MED17: variants seen among roughly 807,000 people sequenced by gnomAD.
MED17 encodes the protein mediator complex subunit 17.
Under a neutral mutation model 80.8 loss-of-function variants are expected in MED17, and 49 were observed. The observed-to-expected ratio is 0.61, with a 90% CI of 0.48 to 0.77. The LOEUF is 0.77. Among genes scored for constraint, MED17 ranks in the 30% least tolerant of loss-of-function variants. The pLI is 0.00. For missense variants in MED17, 718 were observed against 787.0 expected (o/e 0.91, Z 1.05); for synonymous variants, 281 against 280.4 (o/e 1.00, Z -0.02).
At chr11:93,787,923 T>G (rs1943786578) in intron 1 of MED17, 78 bp from the exon 2 acceptor site, 1 of 1,224,990 alleles carries the variant, frequency 8.2e-7, no homozygotes, top group Non-Finnish European at 1.2e-6. Flanking sequence ...TTTAGTACTT[T>G]TTAAACCTAA....
intron 5 of MED17, chr11:93,794,318 C>T (rs1443525207): frequency 1.8e-5 from 6 of 327,062 alleles, no homozygotes; most frequent in Admixed American, 9.3e-5. Context: ...GATTCTCCTG[C>T]CTCAGCCTCC....
rs746638316 is a variant in MED17 at position 93,797,591 on chromosome 11, T to G, written c.1200T>G (p.Phe400Leu). 2.7e-5 allele frequency: 44 copies of G among 1,614,062 alleles called. No homozygotes were observed. Among genetic ancestry groups the G allele is most frequent in the Non-Finnish European group, 3.6e-5 (43 of 1,180,010 alleles). ...TGCCTCATCCAGCAAGTGCACCTTT[T>G]GGCCACAAGAGAATGAGACTTTCGG... ...IMMPHPASAP[F>L]GHKRMRLSGP... is the part of the protein sequence containing the mutation. The change falls in exon 8 of 12, where the codon TTT (phenylalanine) becomes TTG (leucine). Residue 400 changes from phenylalanine to leucine, a missense_variant. By Grantham distance (22) the Phe-to-Leu change is conservative (BLOSUM62 0). Coordinates refer to ENST00000251871, the MANE Select transcript of MED17 (RefSeq NM_004268.5).
chr11:93,799,041 A>G (rs1591387217), intron 8 of MED17, among the ~76,000 whole-genome samples: 2 of 152,160 alleles, frequency 1.3e-5, no homozygotes, highest in East Asian at 3.9e-4. Context: ...CTTAGTGAAG[A>G]AAAAAAGACC....
intron 7 of MED17, chr11:93,797,298 C>T (rs1943914470): frequency 9.9e-6 from 5 of 506,740 alleles, no homozygotes; most frequent in Non-Finnish European, 1.8e-5. Context: ...GATGTCGGCG[C>T]ATTACCCATC....
Position 93,801,911 on chromosome 11 carries a change from G to T in MED17, c.1405G>T (p.Asp469Tyr), listed in dbSNP as rs201376861. The change falls in exon 9 of 12, where the codon GAT (aspartate) becomes TAT (tyrosine). Residue 469 changes from aspartate (D) to tyrosine (Y), a missense_variant. Transcript: ENST00000251871. ...ACAGGCTCATTGGTCAAATATCAAT[G>T]ATGTTTATGAATCTAGTGTGAAAGT... ...QIQAHWSNIN[D>Y]VYESSVKVLI... 190 of 1,613,094 alleles carry T rather than the reference G, an allele frequency of 1.2e-4. No individual in the cohort carries two copies. The highest frequency in any genetic ancestry group is 9.3e-5 in the Non-Finnish European group (110 of 1,179,658).
At chr11:93,791,173 T>C (rs890283206) in intron 3 of MED17, among the ~76,000 whole-genome samples, 3 of 152,260 alleles carry the variant, frequency 2.0e-5, no homozygotes, top group African/African-American at 7.2e-5. Flanking sequence ...TAATGTATTA[T>C]TTCTCAGCTA....
intron 9 of MED17, 36 bp from the exon 10 acceptor site, chr11:93,807,482 G>T: frequency 1.9e-6 from 2 of 1,055,612 alleles, no homozygotes; most frequent in South Asian, 2.5e-5. Flanking sequence ...AGATAATTTT[G>T]AACATCTCTG....
At chr11:93,807,718 T>C (rs558711014) in intron 10 of MED17, 83 bp downstream of exon 10, 6 of 893,806 alleles carry the variant, frequency 6.7e-6, no homozygotes, top group African/African-American at 3.3e-5. Context: ...AGTTAAAATG[T>C]AATAAATTGT....
chr11:93,807,589 C>A lies in MED17; in HGVS notation c.1538C>A (p.Thr513Lys). The A allele has an allele frequency of 6.2e-7, 1 of 1,613,322 alleles. No individual in the cohort carries two copies. Among genetic ancestry groups the A allele is most frequent in the East Asian group, 2.2e-5 (1 of 44,818 alleles). ...GTACATAGAGATGGAAGAGTAATTACACTGTCTTATCAGGAGCAGGAGCTA... is the reference window on the plus strand; with the variant it reads ...GTACATAGAGATGGAAGAGTAATTAAACTGTCTTATCAGGAGCAGGAGCTA... ...RVVHRDGRVI[T>K]LSYQEQELQD... is the part of the protein sequence containing the mutation. The change falls in exon 10 of 12, where the codon ACA (threonine) becomes AAA (lysine). Residue 513 changes from threonine to lysine, a missense_variant. Thr to Lys is a moderately conservative substitution (Grantham distance 78). Transcript: ENST00000251871.
At chr11:93,803,983 G>GTATA (rs1465614447) in intron 9 of MED17, among the ~76,000 whole-genome samples, 2 of 13,588 alleles carry the variant, frequency 1.5e-4, no homozygotes, top group African/African-American at 4.6e-4. Context: ...GTGTGTGTGT[G>GTATA]TGTATATATG....
chr11:93,805,412 G>A (rs1247153616), intron 9 of MED17, among the ~76,000 whole-genome samples: 1 of 152,114 alleles, frequency 6.6e-6, no homozygotes, highest in Admixed American at 6.5e-5. Flanking sequence ...ATGAAACCCT[G>A]TCCCTACTAA....
rs372344089 is a variant in MED17 at position 93,795,048 on chromosome 11, C to G, written c.1000C>G (p.Gln334Glu). The part of the protein sequence containing the change: ...HIVVKNQIIS[Q>E]PFPSLQLSIS... ...TGTGGTGAAAAACCAGATTATCTCT[C>G]AGCCCTTTCCGAGTAAGAGCAGCCC... is the stretch of plus-strand genomic sequence containing the variant. The change falls in exon 6 of 12, where the codon CAG (glutamine) becomes GAG (glutamate). Residue 334 changes from glutamine to glutamate, a missense_variant. Coordinates refer to ENST00000251871, the MANE Select transcript of MED17 (RefSeq NM_004268.5). 1.2e-6 allele frequency: 2 copies of G among 1,614,164 alleles called. No individual in the cohort carries two copies. The highest frequency in any genetic ancestry group is 2.7e-5 in the African/African-American group (2 of 75,044).
intron 8 of MED17, chr11:93,801,453 G>C (rs1045696508): frequency 4.6e-6 from 1 of 219,682 alleles, no homozygotes; most frequent in African/African-American, 2.3e-5. Context: ...TTTGTTACCA[G>C]GGATCAAGTA....
chr11:93,795,153 T>A, intron 6 of MED17, 93 bp downstream of exon 6: 2 of 1,357,802 alleles, frequency 1.5e-6, no homozygotes, highest in Non-Finnish European at 2.1e-6. Context: ...ATTGGGAGAA[T>A]AATGAGAGCA....
intron 9 of MED17, among the ~76,000 whole-genome samples, chr11:93,802,224 T>C (rs1055705809): frequency 1.3e-5 from 2 of 152,006 alleles, no homozygotes; most frequent in African/African-American, 4.8e-5. Flanking sequence ...TGCCTCAACC[T>C]CCTGAGTAGC....
In MED17 at chr11:93,813,309, G is replaced by GA. The variant is rs1481612956; in HGVS notation, c.*1250dup. ...ATTTCTCCACCGTGTTTTCATTAAA[G>GA]AAAAATGGAGCTTGTGGGCCACGAT... On this transcript the variant is annotated 3_prime_UTR_variant, in exon 12 of 12. Coordinates refer to ENST00000251871, the MANE Select transcript of MED17 (RefSeq NM_004268.5). 6.6e-6 allele frequency: 1 copy of GA among 152,130 alleles called. No individual in the cohort carries two copies. The highest frequency in any genetic ancestry group is 6.5e-5 in the Admixed American group (1 of 15,268). 9.4% of individuals were successfully genotyped at this position (152,130 alleles called of 1,614,324 possible). A position where few individuals can be genotyped will look rare whatever the true frequency, so the allele number is the denominator to read the frequency against.
At chr11:93,804,001 A>ATATGTGTGTG (rs1565293220) in intron 9 of MED17, among the ~76,000 whole-genome samples, 18 of 7,114 alleles carry the variant, frequency 2.5e-3, no homozygotes, top group Admixed American at 4.0e-3. Context: ...ATGTGTGTGT[A>ATATGTGTGTG]TATATATATA....
In MED17 at chr11:93,784,461, C is replaced by T; in HGVS notation, c.-53C>T. 9.6e-6 allele frequency: 15 copies of T among 1,559,566 alleles called. No homozygotes were observed. The highest frequency in any genetic ancestry group is 1.3e-5 in the Non-Finnish European group (15 of 1,153,394). ...TCCGCAGGGAAGCCTCCTCTTCGTACCTCGTTTTTTGGCTCGTGGGGGGTC... is the reference window on the plus strand; with the variant it reads ...TCCGCAGGGAAGCCTCCTCTTCGTATCTCGTTTTTTGGCTCGTGGGGGGTC... On this transcript the variant is annotated 5_prime_UTR_variant, in exon 1 of 12. Transcript: ENST00000251871.
intron 6 of MED17, chr11:93,795,536 A>G (rs965085269): frequency 1.3e-5 from 2 of 148,212 alleles, no homozygotes; most frequent in Non-Finnish European, 2.9e-5. Context: ...TCCCATTTCT[A>G]CTAAAACAAA....
Sources: allele counts gnomAD v4.1 joint callset (sites outside exome capture counted in the v4.1 genomes callset), GRCh38; gene constraint gnomAD v4.1.1; transcripts MANE v1.5; gene names NCBI Gene and HGNC (gene_info 2026-07-23, HGNC 2026-07-21).